The following PKP2 variants were observed in gnomAD, a reference collection of about 807,000 sequenced individuals.
The protein encoded by PKP2 is plakophilin 2.
In PKP2, 73 loss-of-function variants were observed where a neutral mutation model predicts 83.4. The ratio of observed to expected loss-of-function variants is 0.88; its 90% CI spans 0.72 to 1.06. The LOEUF is 1.06. PKP2 is among the 50% of genes least tolerant of loss of function. The pLI, the probability that PKP2 is intolerant of heterozygous loss-of-function variation, is 0.00. For missense variants in PKP2, 966 were observed against 1,065.4 expected (o/e 0.91, Z 1.30); for synonymous variants, 409 against 430.4 (o/e 0.95, Z 0.62).
chr12:32,803,740 T>C (rs1438418676), intron 9 of PKP2, among the ~76,000 whole-genome samples: 2 of 152,228 alleles, frequency 1.3e-5, no homozygotes, highest in Non-Finnish European at 2.9e-5. Context: ...AGTCTAAATA[T>C]GAAATTCATT....
intron 4 of PKP2, among the ~76,000 whole-genome samples, chr12:32,859,875 C>T (rs946858237): frequency 6.6e-6 from 1 of 151,870 alleles, no homozygotes; most frequent in Admixed American, 6.6e-5. Flanking sequence ...AAGAATAATA[C>T]CTTGTGGTAG....
At position 32,821,681 on chromosome 12, in the gene PKP2, T is replaced by C. The variant is rs1464529715; in HGVS notation, c.1840-152A>G. The C allele has an allele frequency of 4.4e-6, 3 of 677,356 alleles. 1 individual carries two copies. The highest frequency in any genetic ancestry group is 5.2e-5 in the Admixed American group (2 of 38,192). 42.0% of individuals were successfully genotyped at this position (677,356 alleles called of 1,614,324 possible). A position where few individuals can be genotyped will look rare whatever the true frequency, so the allele number is the denominator to read the frequency against. ...TAGAAATTTTAAAAGCAAATATATA[T>C]AATTTCTAATCACTTAACTTTTAGC... is the stretch of plus-strand genomic sequence containing the variant. On this transcript the variant is annotated intron_variant, in intron 8 of 12. Transcript: ENST00000340811.
intron 9 of PKP2, among the ~76,000 whole-genome samples, chr12:32,812,112 GTTTT>G (rs10581524): frequency 7.9e-6 from 1 of 126,976 alleles, no homozygotes; most frequent in South Asian, 2.5e-4. Flanking sequence ...AGCTGGGAGG[GTTTT>G]TTTTTTTTTT....
intron 1 of PKP2, among the ~76,000 whole-genome samples, chr12:32,880,315 G>A (rs886223624): frequency 2.6e-5 from 4 of 151,792 alleles, no homozygotes; most frequent in South Asian, 2.1e-4. Flanking sequence ...CAGGAGAATC[G>A]CTTGAACCCG....
chr12:32,823,407 G>GT, intron 7 of PKP2, among the ~76,000 whole-genome samples: 1 of 121,680 alleles, frequency 8.2e-6, no homozygotes, highest in African/African-American at 3.3e-5. Context: ...GGGTGATGAA[G>GT]CTAGACTCTG....
chr12:32,880,908 T>G lies in PKP2; in HGVS notation c.224-1876A>C, dbSNP rs184641595. 6.4e-4 allele frequency among the ~76,000 whole-genome samples: 97 copies of G among 152,332 alleles called. 1 individual carries two copies. The Middle Eastern group carries it at 0.01, about 16-fold the overall frequency. ...GAAATTTTTTTCTGTCATGTAGCAT[T>G]TTTTAGAAATCAGAGGGAAAATATA... On this transcript the variant is annotated intron_variant, in intron 1 of 12. Coordinates refer to ENST00000340811, the MANE Select transcript of PKP2 (RefSeq NM_001005242.3).
intron 1 of PKP2, among the ~76,000 whole-genome samples, chr12:32,887,307 C>A (rs886075924): frequency 1.3e-4 from 20 of 152,258 alleles, no homozygotes; most frequent in Admixed American, 1.2e-3. Flanking sequence ...ATCACTCACA[C>A]GATATACCAG....
chr12:32,842,182 G>C (rs2065382070), intron 5 of PKP2, among the ~76,000 whole-genome samples: 1 of 152,192 alleles, frequency 6.6e-6, no homozygotes, highest in Admixed American at 6.5e-5. Context: ...AAGGAAGACT[G>C]TACACTGATT....
Position 32,799,476 on chromosome 12 carries a change from C to A in PKP2, c.2167+2927G>T, listed in dbSNP as rs183975460. On this transcript the variant is annotated intron_variant, in intron 10 of 12. Transcript: ENST00000340811. ...AAGAAGTCATTATATGAAAAAGACA[C>A]TTGTACATGCATGTTTATAGCAGCA... Among the ~76,000 whole-genome samples, 57 of 152,290 alleles carry A rather than the reference C, an allele frequency of 3.7e-4. 1 individual carries two copies. The Middle Eastern group carries it at 0.01, about 27-fold the overall frequency.
At chr12:32,808,107 C>T (rs1956243296) in intron 9 of PKP2, among the ~76,000 whole-genome samples, 2 of 152,148 alleles carry the variant, frequency 1.3e-5, no homozygotes, top group African/African-American at 4.8e-5. Flanking sequence ...GGATGATATA[C>T]TAAAGTATGT....
intron 1 of PKP2, among the ~76,000 whole-genome samples, chr12:32,881,693 T>C (rs1956987712): frequency 6.6e-6 from 1 of 152,214 alleles, no homozygotes; most frequent in South Asian, 2.1e-4. Flanking sequence ...TCGCTCTTGT[T>C]GCCCAGGCTG....
chr12:32,815,693 A>G (rs1450352525), intron 9 of PKP2, among the ~76,000 whole-genome samples: 1 of 152,212 alleles, frequency 6.6e-6, no homozygotes, highest in African/African-American at 2.4e-5. Flanking sequence ...ATACTATACT[A>G]TTTAATGATA....
intron 1 of PKP2, among the ~76,000 whole-genome samples, chr12:32,887,408 C>G (rs1957039219): frequency 6.6e-6 from 1 of 152,194 alleles, no homozygotes; most frequent in Admixed American, 6.5e-5. Flanking sequence ...GGGCAATCCT[C>G]AAATCACTGC....
intron 11 of PKP2, among the ~76,000 whole-genome samples, chr12:32,793,977 C>A (rs1431808666): frequency 6.6e-6 from 1 of 152,174 alleles, no homozygotes; most frequent in Admixed American, 6.5e-5. Context: ...TCTTCTATCA[C>A]CTGATTAGCA....
chr12:32,792,312 A>G lies in PKP2; in HGVS notation c.*112T>C. The stretch of plus-strand genomic sequence containing the variant: ...TTTCTGGATTCAGGGGACCACGGAA[A>G]TAGAGAAGGATAGAAACAAGGCATG... On this transcript the variant is annotated 3_prime_UTR_variant, in exon 13 of 13. Coordinates refer to ENST00000340811, the MANE Select transcript of PKP2 (RefSeq NM_001005242.3). The G allele has an allele frequency of 1.2e-6, 1 of 804,970 alleles. No individual in the cohort carries two copies. Among genetic ancestry groups the G allele is most frequent in the East Asian group, 2.5e-5 (1 of 39,892 alleles). 49.9% of individuals were successfully genotyped at this position (804,970 alleles called of 1,614,324 possible).
chr12:32,832,903 G>A (rs1956512637), intron 6 of PKP2, among the ~76,000 whole-genome samples: 2 of 152,188 alleles, frequency 1.3e-5, no homozygotes, highest in South Asian at 4.1e-4. Context: ...GATCAAATAA[G>A]TCATGAGTAT....
intron 4 of PKP2, among the ~76,000 whole-genome samples, chr12:32,863,651 C>T (rs546236835): frequency 1.4e-3 from 206 of 152,326 alleles, no homozygotes; most frequent in African/African-American, 4.5e-3. Flanking sequence ...AACAGCCCCA[C>T]AGCAGTTCAA....
chr12:32,872,311 G>C (rs1468025983), intron 3 of PKP2, among the ~76,000 whole-genome samples: 6 of 152,078 alleles, frequency 3.9e-5, no homozygotes, highest in Admixed American at 1.3e-4. Flanking sequence ...GGTGGGTGAA[G>C]CACCTGAGGT....
intron 9 of PKP2, among the ~76,000 whole-genome samples, chr12:32,816,205 ATAGT>A (rs574641169): frequency 1.1e-3 from 163 of 152,306 alleles, no homozygotes; most frequent in African/African-American, 2.9e-3. Context: ...ATAGTACATA[ATAGT>A]TAGTTTTTCA....
Sources: gnomAD v4.1 joint callset for allele counts (sites outside exome capture counted in the v4.1 genomes callset) on GRCh38, gnomAD v4.1.1 for gene constraint, MANE v1.5 for transcripts, NCBI Gene and HGNC (gene_info 2026-07-23, HGNC 2026-07-21) for gene names.